Variants in HECW1 observed in about 807,000 individuals in gnomAD.
HECW1 encodes E3 ubiquitin-protein ligase HECW1.
Under a neutral mutation model 182.3 loss-of-function variants are expected in HECW1, and 61 were observed. The observed-to-expected ratio is 0.33, with a 90% CI of 0.27 to 0.41. The LOEUF is 0.41. Among genes scored for constraint, HECW1 ranks in the 10% least tolerant of loss-of-function variants. The pLI, the probability that HECW1 is intolerant of heterozygous loss-of-function variation, is 1.00. For missense variants in HECW1, 1,739 were observed against 2,108.9 expected (o/e 0.82, Z 3.44); for synonymous variants, 859 against 832.6 (o/e 1.03, Z -0.55).
intron 3 of HECW1, among the ~76,000 whole-genome samples, chr7:43,289,340 C>T (rs1380059302): frequency 6.6e-6 from 1 of 152,036 alleles, no homozygotes; most frequent in Non-Finnish European, 1.5e-5. Context: ...CTCCTGACCT[C>T]GTGATCTGCC....
chr7:43,462,622 C>T (rs1229380080), intron 13 of HECW1, among the ~76,000 whole-genome samples: 2 of 152,172 alleles, frequency 1.3e-5, no homozygotes, highest in Non-Finnish European at 1.5e-5. Flanking sequence ...CTGCGTAGCT[C>T]AGGTTGGGGA....
intron 2 of HECW1, among the ~76,000 whole-genome samples, chr7:43,225,794 T>C (rs1429377677): frequency 1.3e-5 from 2 of 152,184 alleles, no homozygotes; most frequent in South Asian, 2.1e-4. Context: ...AATAGATCTT[T>C]TTTTTTTTGG....
intron 4 of HECW1, among the ~76,000 whole-genome samples, chr7:43,317,725 G>A (rs144272112): frequency 2.6e-5 from 4 of 152,236 alleles, no homozygotes; most frequent in East Asian, 3.9e-4. Context: ...GTGAGGGAAG[G>A]GGATGCTTAT....
chr7:43,178,988 T>C (rs1310863140), intron 2 of HECW1, among the ~76,000 whole-genome samples: 1 of 152,204 alleles, frequency 6.6e-6, no homozygotes, highest in African/African-American at 2.4e-5. Flanking sequence ...GAAAATAATA[T>C]TGTCTAGAGA....
intron 7 of HECW1, among the ~76,000 whole-genome samples, chr7:43,398,334 G>A (rs557163914): frequency 3.4e-4 from 51 of 152,008 alleles, no homozygotes; most frequent in Non-Finnish European, 6.8e-4. Flanking sequence ...GATATACAAA[G>A]CTCAGGGCTT....
chr7:43,487,353 G>A (rs1040582512), intron 17 of HECW1, among the ~76,000 whole-genome samples: 2 of 152,184 alleles, frequency 1.3e-5, no homozygotes, highest in Non-Finnish European at 2.9e-5. Flanking sequence ...AGAGCTAAAT[G>A]TTTGAAGTTT....
At chr7:43,389,931 C>T (rs1302758399) in intron 6 of HECW1, among the ~76,000 whole-genome samples, 1 of 152,066 alleles carries the variant, frequency 6.6e-6, no homozygotes, top group Non-Finnish European at 1.5e-5. Context: ...CCCACCTGGC[C>T]CCCTCATTAT....
chr7:43,270,935 A>G (rs938663818), intron 3 of HECW1, among the ~76,000 whole-genome samples: 2 of 152,196 alleles, frequency 1.3e-5, no homozygotes, highest in Non-Finnish European at 2.9e-5. Context: ...AGAAAACCAT[A>G]AAATTTCACT....
intron 2 of HECW1, among the ~76,000 whole-genome samples, chr7:43,198,415 T>G (rs1395484321): frequency 7.4e-6 from 1 of 134,518 alleles, no homozygotes; most frequent in Admixed American, 7.5e-5. Context: ...ACCCATACTC[T>G]CTTACACTCA....
At chr7:43,286,770 T>C (rs1804695764) in intron 3 of HECW1, among the ~76,000 whole-genome samples, 1 of 152,160 alleles carries the variant, frequency 6.6e-6, no homozygotes, top group Non-Finnish European at 1.5e-5. Context: ...AGTCTCGGCC[T>C]ACATAGACTT....
chr7:43,144,276 A>G (rs897691641), intron 2 of HECW1, among the ~76,000 whole-genome samples: 1 of 152,216 alleles, frequency 6.6e-6, no homozygotes, highest in African/African-American at 2.4e-5. Flanking sequence ...GGTATACAAT[A>G]TCAATATGAC....
chr7:43,205,797 C>T (rs879427157), intron 2 of HECW1, among the ~76,000 whole-genome samples: 1 of 152,142 alleles, frequency 6.6e-6, no homozygotes, highest in Non-Finnish European at 1.5e-5. Context: ...CTTCAGGTCC[C>T]TTACTCTCAT....
At chr7:43,278,799 C>T (rs549216330) in intron 3 of HECW1, among the ~76,000 whole-genome samples, 2 of 152,262 alleles carry the variant, frequency 1.3e-5, no homozygotes, top group South Asian at 4.1e-4. Context: ...TTCCTGACCA[C>T]CGCATTTACA....
chr7:43,346,085 G>A lies in HECW1; in HGVS notation c.461-14801G>A, dbSNP rs534898973. On this transcript the variant is annotated intron_variant, in intron 5 of 29. Transcript: ENST00000395891. Reference sequence around the variant, plus strand: ...GAATTGCCACACTGTTTTCCATAGTGGCTGTACTAGTTTACATTCCCACCA... The same window carrying A: ...GAATTGCCACACTGTTTTCCATAGTAGCTGTACTAGTTTACATTCCCACCA... 1.1e-4 allele frequency among the ~76,000 whole-genome samples: 16 copies of A among 152,218 alleles called. No homozygotes were observed. In the South Asian group the frequency reaches 3.3e-3, roughly 32 times the overall value.
At chr7:43,233,574 A>T (rs987351512) in intron 2 of HECW1, among the ~76,000 whole-genome samples, 8 of 152,302 alleles carry the variant, frequency 5.3e-5, no homozygotes, top group Admixed American at 3.9e-4. Context: ...CTTCCATAAA[A>T]ATAGTTTTAT....
At chr7:43,224,590 G>A (rs1390728129) in intron 2 of HECW1, among the ~76,000 whole-genome samples, 2 of 152,234 alleles carry the variant, frequency 1.3e-5, no homozygotes, top group East Asian at 3.9e-4. Context: ...AGATGCTGAG[G>A]TGGGCAATTG....
At chr7:43,448,574 A>G (rs2077135776) in intron 11 of HECW1, among the ~76,000 whole-genome samples, 1 of 152,078 alleles carries the variant, frequency 6.6e-6, no homozygotes, top group African/African-American at 2.4e-5. Flanking sequence ...CTACAAAAGC[A>G]CTCTGCTTCC....
At chr7:43,232,072 G>T (rs567946555) in intron 2 of HECW1, among the ~76,000 whole-genome samples, 3 of 150,856 alleles carry the variant, frequency 2.0e-5, no homozygotes, top group Admixed American at 2.0e-4. Flanking sequence ...TGATCCCAGA[G>T]TTGACAGTAA....
intron 7 of HECW1, among the ~76,000 whole-genome samples, chr7:43,405,771 G>A (rs1276323376): frequency 6.6e-6 from 1 of 152,186 alleles, no homozygotes; most frequent in Non-Finnish European, 1.5e-5. Flanking sequence ...TGAAATCCAG[G>A]TTTCTAGACA....
Sources: gnomAD v4.1 joint callset for allele counts (sites outside exome capture counted in the v4.1 genomes callset) on GRCh38, gnomAD v4.1.1 for gene constraint, MANE v1.5 for transcripts, NCBI Gene and HGNC (gene_info 2026-07-23, HGNC 2026-07-21) for gene names.